SH3RF3: variants seen among roughly 807,000 people sequenced by gnomAD.
SH3RF3 encodes the protein SH3 domain containing ring finger 3.
A neutral mutation model predicts 66.3 loss-of-function variants in SH3RF3; 29 were observed. The ratio of observed to expected loss-of-function variants is 0.44; its 90% CI spans 0.33 to 0.60. SH3RF3 has a LOEUF of 0.60. Ranked by LOEUF, SH3RF3 falls within the 20% of genes least tolerant of loss-of-function variation. SH3RF3 has a pLI of 0.04. For synonymous variants in SH3RF3, 583 were observed against 532.0 expected (o/e 1.10, Z -1.32); for missense variants, 1,194 against 1,190.9 (o/e 1.00, Z -0.04).
At position 109,199,612 on chromosome 2, in the gene SH3RF3, TGG is replaced by T. The variant is rs1678607205; in HGVS notation, c.573+69500_573+69501del. Among the ~76,000 whole-genome samples the T allele has an allele frequency of 8.9e-3, 3 of 336 alleles. 1 individual carries two copies. Among genetic ancestry groups the T allele is most frequent in the East Asian group, 0.071 (1 of 14 alleles). 0.2% of individuals were successfully genotyped at this position (336 alleles called of 152,430 possible). On this transcript the variant is annotated intron_variant, in intron 1 of 9. Transcript: ENST00000309415. ...TGGAATGGAATGGAATGGAATGGAA[TGG>T]AATGGAATGGAATGGAATGGAATGG...
intron 1 of SH3RF3, among the ~76,000 whole-genome samples, chr2:109,229,066 C>G (rs926018903): frequency 1.6e-4 from 25 of 152,258 alleles, no homozygotes; most frequent in Admixed American, 1.0e-3. Context: ...GGATTAGGAG[C>G]TCTGTGTTGG....
intron 1 of SH3RF3, among the ~76,000 whole-genome samples, chr2:109,244,343 C>A (rs964869825): frequency 3.3e-5 from 5 of 152,268 alleles, no homozygotes; most frequent in African/African-American, 1.2e-4. Flanking sequence ...AAAAGTGACA[C>A]AGAGCAGAAT....
chr2:109,290,183 G>A (rs1316689700), intron 1 of SH3RF3, among the ~76,000 whole-genome samples: 1 of 152,158 alleles, frequency 6.6e-6, no homozygotes, highest in Non-Finnish European at 1.5e-5. Flanking sequence ...TCTTTGTCCG[G>A]GTGGCTTAGG....
intron 8 of SH3RF3, among the ~76,000 whole-genome samples, chr2:109,452,369 G>T (rs1468234681): frequency 6.6e-6 from 1 of 152,170 alleles, no homozygotes; most frequent in East Asian, 1.9e-4. Context: ...TATGGCAAAG[G>T]TTTTTTAAAG....
intron 9 of SH3RF3, among the ~76,000 whole-genome samples, chr2:109,496,517 A>G (rs913622469): frequency 6.6e-6 from 1 of 152,190 alleles, no homozygotes; most frequent in Admixed American, 6.5e-5. Context: ...TGTGACATCT[A>G]TGATAATAGT....
chr2:109,227,702 A>T (rs1679402935), intron 1 of SH3RF3, among the ~76,000 whole-genome samples: 1 of 152,150 alleles, frequency 6.6e-6, no homozygotes, highest in Non-Finnish European at 1.5e-5. Context: ...AGGTCACAGG[A>T]TCCACTTCTC....
chr2:109,162,869 A>G (rs1194624593), intron 1 of SH3RF3, among the ~76,000 whole-genome samples: 1 of 92,642 alleles, frequency 1.1e-5, no homozygotes, highest in Non-Finnish European at 2.3e-5. Context: ...GCAGGGTTAG[A>G]GATGATTACC....
intron 5 of SH3RF3, among the ~76,000 whole-genome samples, chr2:109,425,937 G>T (rs778029890): frequency 6.6e-6 from 1 of 151,654 alleles, no homozygotes; most frequent in Non-Finnish European, 1.5e-5. Context: ...TCACTCTGTC[G>T]TCCAGGCTGG....
chr2:109,387,309 C>G (rs1239059260), intron 3 of SH3RF3, among the ~76,000 whole-genome samples: 1 of 152,216 alleles, frequency 6.6e-6, no homozygotes, highest in Non-Finnish European at 1.5e-5. Context: ...CCGGGGGATC[C>G]TGTTGTGTCC....
intron 1 of SH3RF3, among the ~76,000 whole-genome samples, chr2:109,186,109 G>A (rs1191656612): frequency 6.6e-6 from 1 of 152,220 alleles, no homozygotes; most frequent in African/African-American, 2.4e-5. Context: ...TTCAGGAGAG[G>A]GCAGGCCCTG....
chr2:109,493,682 CCATA>C (rs1331628404), intron 9 of SH3RF3, among the ~76,000 whole-genome samples: 1 of 151,412 alleles, frequency 6.6e-6, no homozygotes, highest in Non-Finnish European at 1.5e-5. Context: ...ACATCACACA[CCATA>C]CACACACCAC....
chr2:109,430,790 A>G (rs1194623742), intron 5 of SH3RF3, among the ~76,000 whole-genome samples: 1 of 152,114 alleles, frequency 6.6e-6, no homozygotes, highest in African/African-American at 2.4e-5. Flanking sequence ...GATTTTGTGT[A>G]TCCTCCTGAA....
intron 1 of SH3RF3, among the ~76,000 whole-genome samples, chr2:109,150,155 C>T (rs1425277766): frequency 6.6e-6 from 1 of 152,006 alleles, no homozygotes; most frequent in East Asian, 1.9e-4. Context: ...GTTGTGAGAG[C>T]CAGCACCTGG....
chr2:109,337,754 G>C (rs1682457994), intron 1 of SH3RF3, among the ~76,000 whole-genome samples: 1 of 151,560 alleles, frequency 6.6e-6, no homozygotes, highest in South Asian at 2.1e-4. Flanking sequence ...TTGAGACAGG[G>C]TTTCACTCTG....
At chr2:109,221,476 G>A (rs540589542) in intron 1 of SH3RF3, among the ~76,000 whole-genome samples, 13 of 152,054 alleles carry the variant, frequency 8.5e-5, no homozygotes, top group East Asian at 3.9e-4. Context: ...CCAGCTACTC[G>A]GGAGGCTGAG....
chr2:109,219,081 C>T (rs774261751), intron 1 of SH3RF3, among the ~76,000 whole-genome samples: 63 of 152,136 alleles, frequency 4.1e-4, no homozygotes, highest in Non-Finnish European at 8.4e-4. Flanking sequence ...GGATGGTTCC[C>T]AACTTTCCAT....
rs1039037461 is a variant in SH3RF3, at chr2:109,140,574, G to A, written c.573+10461G>A. 4.6e-5 allele frequency among the ~76,000 whole-genome samples: 7 copies of A among 152,022 alleles called. No individual in the cohort carries two copies. The East Asian group carries it at 1.4e-3, about 29-fold the overall frequency. On this transcript the variant is annotated intron_variant, in intron 1 of 9. Coordinates refer to ENST00000309415, the MANE Select transcript of SH3RF3 (RefSeq NM_001099289.3). ...TTTTTTGTATTTTTAGTAGAGACGG[G>A]GTTTCACCATGTTAACCAGGATGGT...
At chr2:109,369,881 G>A (rs894092868) in intron 2 of SH3RF3, among the ~76,000 whole-genome samples, 1 of 152,238 alleles carries the variant, frequency 6.6e-6, no homozygotes, top group Non-Finnish European at 1.5e-5. Context: ...AAAGAGGCCT[G>A]TAAGTCCCGA....
Position 109,308,157 on chromosome 2 carries a change from A to G in SH3RF3, c.574-39517A>G, listed in dbSNP as rs1451688935. On this transcript the variant is annotated intron_variant, in intron 1 of 9. Transcript: ENST00000309415. ...GTATCTCATTGTGGTTTTGATTTGC[A>G]TTTCCCTGATGGCCAGTGATGATGA... Among the ~76,000 whole-genome samples, 50 of 140,888 alleles carry G rather than the reference A, an allele frequency of 3.5e-4. 1 individual carries two copies. Among genetic ancestry groups the G allele is most frequent in the Admixed American group, 3.5e-3 (50 of 14,330 alleles). 92.4% of individuals were successfully genotyped at this position (140,888 alleles called of 152,430 possible). A position where few individuals can be genotyped will look rare whatever the true frequency, so the allele number is the denominator to read the frequency against.
Sources: allele counts gnomAD v4.1 joint callset (sites outside exome capture counted in the v4.1 genomes callset), GRCh38; gene constraint gnomAD v4.1.1; transcripts MANE v1.5; gene names NCBI Gene and HGNC (gene_info 2026-07-23, HGNC 2026-07-21).